The following SH3GL3 variants were observed in gnomAD, a reference collection of about 807,000 sequenced individuals.
SH3GL3 encodes SH3 domain containing GRB2 like 3, endophilin A3, also known as endophilin-A3.
SH3GL3 carries 33 observed loss-of-function variants against 47.7 expected under a neutral mutation model. The observed-to-expected ratio is 0.69, with a 90% confidence interval of 0.52 to 0.92. The LOEUF (loss-of-function observed/expected upper bound fraction) is 0.92, where lower values mean the gene tolerates loss of function less well. SH3GL3 is among the 40% of genes least tolerant of loss of function. SH3GL3 has a pLI of 0.00. For synonymous variants in SH3GL3, 155 were observed against 148.8 expected, an observed-to-expected ratio of 1.04 and a Z score of -0.30; for missense variants, 363 against 417.8, an observed-to-expected ratio of 0.87 and a Z score of 1.14.
intron 8 of SH3GL3, among the ~76,000 whole-genome samples, chr15:83,611,057 C>G (rs8032537): frequency 0.13 from 19,655 of 150,182 alleles, 1,884 homozygotes; most frequent in East Asian, 0.28. Flanking sequence ...TATATAGAGA[C>G]AAAATAAGTG....
intron 1 of SH3GL3, among the ~76,000 whole-genome samples, chr15:83,489,746 G>A (rs1042568591): frequency 2.2e-4 from 34 of 152,150 alleles, no homozygotes; most frequent in African/African-American, 8.2e-4. Flanking sequence ...AAAGCAAGTG[G>A]GGAAGTTAGA....
chr15:83,578,297 C>T (rs776410562), intron 6 of SH3GL3, among the ~76,000 whole-genome samples: 3 of 152,182 alleles, frequency 2.0e-5, no homozygotes, highest in Non-Finnish European at 4.4e-5. Flanking sequence ...AGCCCCTGCC[C>T]TCAGCCTGGC....
intron 1 of SH3GL3, among the ~76,000 whole-genome samples, chr15:83,485,570 A>G (rs1374516231): frequency 1.3e-5 from 2 of 152,016 alleles, no homozygotes. Flanking sequence ...TGCAGCATCC[A>G]CCTTCCAGGC....
At chr15:83,510,056 A>G (rs2042683300) in intron 1 of SH3GL3, among the ~76,000 whole-genome samples, 1 of 151,334 alleles carries the variant, frequency 6.6e-6, no homozygotes, top group African/African-American at 2.4e-5. Flanking sequence ...GCTGAGGGAA[A>G]AACAGAAGAG....
At chr15:83,512,917 C>T (rs80059224) in intron 1 of SH3GL3, among the ~76,000 whole-genome samples, 2,572 of 152,252 alleles carry the variant, frequency 0.017, 81 homozygotes, top group African/African-American at 0.058. Flanking sequence ...AAAAGGTTAT[C>T]TCTTTCTTTT....
At chr15:83,562,629 CATTA>C (rs1388106146) in intron 2 of SH3GL3, among the ~76,000 whole-genome samples, 3 of 152,204 alleles carry the variant, frequency 2.0e-5, no homozygotes, top group East Asian at 3.9e-4. Flanking sequence ...TTTGAGGTTG[CATTA>C]ATTAACACAT....
At position 83,447,702 on chromosome 15, in the gene SH3GL3, C is replaced by T. The variant is rs1252646977; in HGVS notation, c.45+124C>T. On this transcript the variant is annotated intron_variant, in intron 1 of 8. Transcript: ENST00000427482. The surrounding 1 kb of genome is among the most constrained non-coding windows in gnomAD (Gnocchi z 5.1). ...CTCTCGGGGCTCAATTTCTTCCCGC[C>T]TAGGAGGGCGCGAGGGTGGGGTGAG... The T allele has an allele frequency of 6.2e-6, 4 of 644,454 alleles. No individual in the cohort carries two copies. The allele number at this position is 644,454 out of a possible 1,614,324, so 39.9% of individuals were successfully genotyped here.
intron 8 of SH3GL3, chr15:83,609,452 A>G: frequency 2.5e-6 from 1 of 396,308 alleles, no homozygotes; most frequent in South Asian, 1.9e-5. Context: ...CTAAAAGACA[A>G]AGAGCCCTAC....
intron 6 of SH3GL3, among the ~76,000 whole-genome samples, chr15:83,581,038 A>G (rs548203460): frequency 6.6e-6 from 1 of 152,322 alleles, no homozygotes; most frequent in East Asian, 1.9e-4. Flanking sequence ...CTGACAATTC[A>G]AAGACCAAAA....
At chr15:83,473,214 C>G (rs1396198315) in intron 1 of SH3GL3, among the ~76,000 whole-genome samples, 1 of 150,310 alleles carries the variant, frequency 6.7e-6, no homozygotes, top group African/African-American at 2.5e-5. Flanking sequence ...CTGTCCACTA[C>G]CACCAAAGGT....
rs1260325561 is a variant in SH3GL3, at chr15:83,496,348, G to A, written c.45+48770G>A. 2.2e-4 allele frequency among the ~76,000 whole-genome samples: 29 copies of A among 133,430 alleles called. 2 individuals carry two copies. The highest frequency in any genetic ancestry group is 7.9e-5 in the Admixed American group (1 of 12,712). The allele number at this position is 133,430 out of a possible 152,430, so 87.5% of individuals were successfully genotyped here. A position where few individuals can be genotyped will look rare whatever the true frequency, so the allele number is the denominator to read the frequency against. ...CACTCCAGCCTGGGCAACAGAGTGA[G>A]ATTATGTCTCAAAAAAAAAAAAAGA... On this transcript the variant is annotated intron_variant, in intron 1 of 8. Transcript: ENST00000427482.
At chr15:83,459,663 A>G (rs963894401) in intron 1 of SH3GL3, among the ~76,000 whole-genome samples, 2 of 152,168 alleles carry the variant, frequency 1.3e-5, no homozygotes, top group Non-Finnish European at 2.9e-5. Flanking sequence ...CAGCTTTTTC[A>G]TGTTATACAG....
chr15:83,577,286 G>C (rs977048451), intron 6 of SH3GL3, among the ~76,000 whole-genome samples: 1 of 152,148 alleles, frequency 6.6e-6, no homozygotes, highest in Non-Finnish European at 1.5e-5. Context: ...CATGTGGCTT[G>C]TGGGCCACAG....
intron 1 of SH3GL3, among the ~76,000 whole-genome samples, chr15:83,515,366 A>G (rs2151638573): frequency 6.6e-6 from 1 of 152,316 alleles, no homozygotes; most frequent in East Asian, 1.9e-4. Flanking sequence ...GATCACATGT[A>G]TGACAAATGG....
Position 83,605,102 on chromosome 15 carries a change from G to A in SH3GL3, c.839-12980G>A, listed in dbSNP as rs777897798. 3.3e-5 allele frequency among the ~76,000 whole-genome samples: 5 copies of A among 152,292 alleles called. No homozygotes were observed. The East Asian group carries it at 7.7e-4, about 24-fold the overall frequency. On this transcript the variant is annotated intron_variant, in intron 8 of 8. Transcript: ENST00000427482. Reference sequence around the variant, plus strand: ...AGACAGATTAAGTTCCTAGAAGGGCGATGTACAGAGATCACAGACGTGCAG... The same window carrying A: ...AGACAGATTAAGTTCCTAGAAGGGCAATGTACAGAGATCACAGACGTGCAG...
chr15:83,524,143 G>A (rs1596175736), intron 1 of SH3GL3, among the ~76,000 whole-genome samples: 1 of 152,294 alleles, frequency 6.6e-6, no homozygotes, highest in East Asian at 1.9e-4. Flanking sequence ...TACGCAGGGA[G>A]CTCTGTGGAG....
intron 1 of SH3GL3, among the ~76,000 whole-genome samples, chr15:83,515,430 A>G (rs2042940837): frequency 6.6e-6 from 1 of 152,060 alleles, no homozygotes; most frequent in Non-Finnish European, 1.5e-5. Context: ...CACCTCACAG[A>G]GATGTCATGG....
intron 1 of SH3GL3, among the ~76,000 whole-genome samples, chr15:83,512,081 G>A (rs1037424892): frequency 1.1e-4 from 17 of 152,078 alleles, no homozygotes; most frequent in African/African-American, 3.6e-4. Flanking sequence ...GAAGGTAAGG[G>A]GGGCCTTGAC....
At chr15:83,523,026 A>G (rs1274669759) in intron 1 of SH3GL3, among the ~76,000 whole-genome samples, 2 of 152,212 alleles carry the variant, frequency 1.3e-5, no homozygotes, top group African/African-American at 4.8e-5. Context: ...TCTAAAGTAA[A>G]TTTAAAATGT....
Sources: allele counts gnomAD v4.1 joint callset (sites outside exome capture counted in the v4.1 genomes callset), GRCh38; gene constraint gnomAD v4.1.1; non-coding constraint Gnocchi (gnomAD v3.1); transcripts MANE v1.5; gene names NCBI Gene and HGNC (gene_info 2026-07-23, HGNC 2026-07-21).